Variants in SLC4A10 observed in about 807,000 individuals in gnomAD.
SLC4A10 encodes the protein sodium-driven chloride bicarbonate exchanger.
A neutral mutation model predicts 137.7 loss-of-function variants in SLC4A10; 42 were observed. The ratio of observed to expected loss-of-function variants is 0.30; its 90% CI spans 0.24 to 0.39. The LOEUF (loss-of-function observed/expected upper bound fraction) is 0.39, where lower values mean the gene tolerates loss of function less well. SLC4A10 is among the 10% of genes least tolerant of loss of function. SLC4A10 has a pLI of 1.00. For synonymous variants in SLC4A10, 474 were observed against 464.1 expected (o/e 1.02, Z -0.27); for missense variants, 925 against 1,355.0 (o/e 0.68, Z 4.98).
intron 1 of SLC4A10, among the ~76,000 whole-genome samples, chr2:161,647,849 A>T (rs1318176396): frequency 2.0e-5 from 3 of 152,176 alleles, no homozygotes; most frequent in Non-Finnish European, 4.4e-5. Flanking sequence ...GGCAAATTGG[A>T]TTAGAGGAGA....
intron 1 of SLC4A10, among the ~76,000 whole-genome samples, chr2:161,750,699 T>C (rs1365139614): frequency 2.0e-5 from 3 of 151,854 alleles, no homozygotes; most frequent in African/African-American, 2.4e-5. Flanking sequence ...GAATGTGTAT[T>C]CTTCTGCTGT....
At chr2:161,678,487 A>G (rs760462384) in intron 1 of SLC4A10, among the ~76,000 whole-genome samples, 2 of 152,212 alleles carry the variant, frequency 1.3e-5, no homozygotes, top group Non-Finnish European at 2.9e-5. Context: ...GAGCTATAAT[A>G]TACATACAAT....
intron 4 of SLC4A10, among the ~76,000 whole-genome samples, chr2:161,841,632 A>T (rs1376338372): frequency 1.3e-5 from 2 of 152,196 alleles, no homozygotes; most frequent in Non-Finnish European, 2.9e-5. Context: ...TTCTTGTTTG[A>T]TATATTTTCA....
chr2:161,815,164 A>T (rs1374547182), intron 3 of SLC4A10, among the ~76,000 whole-genome samples: 2 of 152,128 alleles, frequency 1.3e-5, no homozygotes, highest in Admixed American at 1.3e-4. Flanking sequence ...ATATTTAGGT[A>T]ACTGGTATGG....
At chr2:161,876,919 G>T (rs1385310614) in intron 8 of SLC4A10, among the ~76,000 whole-genome samples, 1 of 151,964 alleles carries the variant, frequency 6.6e-6, no homozygotes, top group Admixed American at 6.6e-5. Flanking sequence ...CCAGATATGT[G>T]CTATAGTACT....
intron 1 of SLC4A10, among the ~76,000 whole-genome samples, chr2:161,760,009 A>G (rs1443067485): frequency 6.6e-6 from 1 of 151,712 alleles, no homozygotes; most frequent in Non-Finnish European, 1.5e-5. Flanking sequence ...TTTTTCCTGG[A>G]TGCTTTAAAA....
chr2:161,918,418 A>G (rs551216263), intron 15 of SLC4A10, among the ~76,000 whole-genome samples: 2 of 152,302 alleles, frequency 1.3e-5, no homozygotes, highest in South Asian at 4.1e-4. Flanking sequence ...GGCCTCCCCA[A>G]GTTCTGGAAT....
In SLC4A10 at chr2:161,644,158, A is replaced by G. The variant is rs114540363; in HGVS notation, c.48+19592A>G. ...AGTTAAATATCTTAAGTGGTTTTAG[A>G]TACATGAAATATCAAAGACAGAATG... is the stretch of plus-strand genomic sequence containing the variant. On this transcript the variant is annotated intron_variant, in intron 1 of 26. Transcript: ENST00000446997. Among the ~76,000 whole-genome samples, 1,005 of 151,472 alleles carry G rather than the reference A, an allele frequency of 6.6e-3. 13 individuals are homozygous for G. Among genetic ancestry groups the G allele is most frequent in the African/African-American group, 0.023 (944 of 41,250 alleles).
chr2:161,839,749 TAATA>T (rs1489725070), intron 3 of SLC4A10, 36 bp from the exon 4 acceptor site: 6 of 1,609,126 alleles, frequency 3.7e-6, no homozygotes, highest in Non-Finnish European at 5.1e-6. Context: ...AGGGTCGTGG[TAATA>T]CATGTTCATG....
chr2:161,792,571 C>T (rs2054320546), intron 2 of SLC4A10, among the ~76,000 whole-genome samples: 1 of 152,130 alleles, frequency 6.6e-6, no homozygotes, highest in Non-Finnish European at 1.5e-5. Context: ...TCTATTTCAG[C>T]TGTCTTCCCC....
At chr2:161,763,939 G>A (rs990992721) in intron 1 of SLC4A10, among the ~76,000 whole-genome samples, 2 of 152,054 alleles carry the variant, frequency 1.3e-5, no homozygotes, top group African/African-American at 4.8e-5. Context: ...CTTATGAAGG[G>A]GAATTTGGAC....
intron 15 of SLC4A10, among the ~76,000 whole-genome samples, chr2:161,930,045 T>TAGA (rs1690039841): frequency 6.6e-6 from 1 of 152,220 alleles, no homozygotes; most frequent in Admixed American, 6.5e-5. Context: ...TACCTGGTCT[T>TAGA]TCTTGGAATA....
chr2:161,733,402 C>G (rs1175845335), intron 1 of SLC4A10, among the ~76,000 whole-genome samples: 1 of 152,214 alleles, frequency 6.6e-6, no homozygotes, highest in Non-Finnish European at 1.5e-5. Context: ...GCCTTGGCAG[C>G]TTCCACATGG....
At chr2:161,963,420 T>C (rs917998239) in intron 21 of SLC4A10, among the ~76,000 whole-genome samples, 2 of 152,126 alleles carry the variant, frequency 1.3e-5, no homozygotes, top group East Asian at 3.9e-4. Flanking sequence ...GTGCTGTATA[T>C]AAAGTTAATC....
At chr2:161,851,673 G>A (rs1184951138) in intron 4 of SLC4A10, among the ~76,000 whole-genome samples, 2 of 151,860 alleles carry the variant, frequency 1.3e-5, no homozygotes, top group African/African-American at 4.8e-5. Flanking sequence ...TATAAGAAAG[G>A]GTTTTATCAT....
chr2:161,641,563 T>C (rs2035327209), intron 1 of SLC4A10, among the ~76,000 whole-genome samples: 1 of 152,126 alleles, frequency 6.6e-6, no homozygotes, highest in African/African-American at 2.4e-5. Flanking sequence ...AGTTATACCA[T>C]AGTAATTGTT....
intron 2 of SLC4A10, among the ~76,000 whole-genome samples, chr2:161,786,156 C>A (rs2053599714): frequency 6.6e-6 from 1 of 151,282 alleles, no homozygotes; most frequent in Non-Finnish European, 1.5e-5. Flanking sequence ...GAATTGAACT[C>A]TTTGTCATTA....
chr2:161,910,251 A>AT lies in SLC4A10; in HGVS notation c.1997+4365dup, dbSNP rs202181321. On this transcript the variant is annotated intron_variant, in intron 15 of 26. Coordinates refer to ENST00000446997, the MANE Select transcript of SLC4A10 (RefSeq NM_001178015.2). ...TAAAGATATATCTAGCTACTCTGTC[A>AT]TCCTAACCTTATAATATGGTAATAT... Among the ~76,000 whole-genome samples, 460 of 152,250 alleles carry AT rather than the reference A, an allele frequency of 3.0e-3. 9 individuals carry two copies. The highest frequency in any genetic ancestry group is 5.8e-3 in the East Asian group (30 of 5,186).
At chr2:161,848,406 GT>G (rs1214593590) in intron 4 of SLC4A10, among the ~76,000 whole-genome samples, 2 of 152,018 alleles carry the variant, frequency 1.3e-5, no homozygotes, top group Non-Finnish European at 2.9e-5. Flanking sequence ...GTCAATTTTT[GT>G]TTTTGTTGCA....
Sources: gnomAD v4.1 joint callset for allele counts (sites outside exome capture counted in the v4.1 genomes callset) on GRCh38, gnomAD v4.1.1 for gene constraint, MANE v1.5 for transcripts, NCBI Gene and HGNC (gene_info 2026-07-23, HGNC 2026-07-21) for gene names.